Variants in MINDY4 observed in about 807,000 individuals in gnomAD.
MINDY4 encodes MINDY lysine 48 deubiquitinase 4.
MINDY4 carries 68 observed loss-of-function variants against 87.0 expected under a neutral mutation model. The ratio of observed to expected loss-of-function variants is 0.78; its 90% CI spans 0.64 to 0.96. The LOEUF is 0.96. Ranked by LOEUF, MINDY4 falls within the 40% of genes least tolerant of loss-of-function variation. MINDY4 has a pLI of 0.00. For missense variants in MINDY4, 919 were observed against 928.2 expected (o/e 0.99, Z 0.13); for synonymous variants, 379 against 363.2 (o/e 1.04, Z -0.50).
intron 5 of MINDY4, among the ~76,000 whole-genome samples, chr7:30,815,506 G>A (rs11979952): frequency 0.37 from 56,468 of 152,094 alleles, 13,504 homozygotes; most frequent in African/African-American, 0.67. Flanking sequence ...GGCTTGGTCA[G>A]GTCCAGTAGC....
chr7:30,815,432 C>T (rs1376925310), intron 5 of MINDY4, among the ~76,000 whole-genome samples: 1 of 152,234 alleles, frequency 6.6e-6, no homozygotes, highest in Non-Finnish European at 1.5e-5. Context: ...GTGGGCCAGG[C>T]ACCCCATCAC....
In MINDY4 at chr7:30,892,100, A is replaced by G. The variant is rs1584365770; in HGVS notation, c.*95A>G. On this transcript the variant is annotated 3_prime_UTR_variant, in exon 18 of 18. Transcript: ENST00000265299. ...CAAGCCTCTGGGGCAGGTCTCATGT[A>G]CCCCAACCTGGGTCAGCATGACTGC... The G allele has an allele frequency of 2.9e-6, 4 of 1,382,948 alleles. No homozygotes were observed. Among genetic ancestry groups the G allele is most frequent in the Non-Finnish European group, 1.0e-6 (1 of 972,188 alleles). 85.7% of individuals were successfully genotyped at this position (1,382,948 alleles called of 1,614,324 possible). A position where few individuals can be genotyped will look rare whatever the true frequency, so the allele number is the denominator to read the frequency against.
intron 10 of MINDY4, 127 bp downstream of exon 10, chr7:30,850,682 C>T: frequency 4.9e-6 from 4 of 823,784 alleles, no homozygotes; most frequent in Non-Finnish European, 7.9e-6. Context: ...CTGGGATGAG[C>T]CCTGCAAGCC....
intron 9 of MINDY4, among the ~76,000 whole-genome samples, chr7:30,846,372 G>A (rs1789218669): frequency 6.6e-6 from 1 of 152,214 alleles, no homozygotes; most frequent in Non-Finnish European, 1.5e-5. Context: ...GTAAAAGCAG[G>A]ATGTATTATT....
At chr7:30,825,700 A>C (rs1320365383) in intron 5 of MINDY4, among the ~76,000 whole-genome samples, 1 of 152,246 alleles carries the variant, frequency 6.6e-6, no homozygotes, top group African/African-American at 2.4e-5. Flanking sequence ...TTGAGCACCC[A>C]TTTATGGAGC....
rs145129382 is a variant in MINDY4, at chr7:30,874,346, G to A, written c.1810-1149G>A. Among the ~76,000 whole-genome samples, 113 of 152,324 alleles carry A rather than the reference G, an allele frequency of 7.4e-4. 1 individual carries two copies. The highest frequency in any genetic ancestry group is 2.1e-3 in the African/African-American group (88 of 41,572). Reference sequence around the variant, plus strand: ...GTTGGGGGAAGAGGGAAGTCACATGGGACAGAGAGAACCAGATGTGGGTGG... The same window carrying A: ...GTTGGGGGAAGAGGGAAGTCACATGAGACAGAGAGAACCAGATGTGGGTGG... On this transcript the variant is annotated intron_variant, in intron 14 of 17. Transcript: ENST00000265299.
chr7:30,853,401 T>C lies in MINDY4; in HGVS notation c.1619T>C (p.Leu540Pro). Residue 540 changes from leucine (L) to proline (P), a missense_variant, in exon 12 of 18, where the codon CTT becomes CCT. Physicochemically the swap from Leu to Pro is moderately conservative, Grantham distance 98. Coordinates refer to ENST00000265299, the MANE Select transcript of MINDY4 (RefSeq NM_032222.3). ...GTGTTTGTGTCTTCTCAGCTTACGC[T>C]TCACAGTTTGACCTGCTATGAGGAC... ...KADGVLETLT[L>P]HSLTCYEDLV... The C allele has an allele frequency of 6.2e-7, 1 of 1,613,590 alleles. No individual in the cohort carries two copies. Among genetic ancestry groups the C allele is most frequent in the Non-Finnish European group, 8.5e-7 (1 of 1,179,740 alleles).
intron 5 of MINDY4, among the ~76,000 whole-genome samples, chr7:30,800,261 C>T (rs1787607537): frequency 6.6e-6 from 1 of 152,170 alleles, no homozygotes; most frequent in Non-Finnish European, 1.5e-5. Flanking sequence ...ACCTTAGATG[C>T]ATTGGATGCC....
intron 4 of MINDY4, among the ~76,000 whole-genome samples, chr7:30,790,931 GC>G (rs1455116605): frequency 6.6e-6 from 1 of 152,230 alleles, no homozygotes; most frequent in Non-Finnish European, 1.5e-5. Context: ...CGAGAGAAAG[GC>G]CCAGGCCTGC....
At chr7:30,860,490 C>T (rs1433488165) in intron 13 of MINDY4, among the ~76,000 whole-genome samples, 1 of 152,202 alleles carries the variant, frequency 6.6e-6, no homozygotes, top group Non-Finnish European at 1.5e-5. Context: ...ACCTTCTCCC[C>T]AGGACTGGGT....
chr7:30,814,002 C>G (rs1028750581), intron 5 of MINDY4, among the ~76,000 whole-genome samples: 7 of 152,120 alleles, frequency 4.6e-5, no homozygotes, highest in African/African-American at 1.7e-4. Context: ...GAATCAGTCT[C>G]TGTGCCCAAG....
chr7:30,883,385 G>T (rs1790530509), intron 17 of MINDY4, among the ~76,000 whole-genome samples: 1 of 152,190 alleles, frequency 6.6e-6, no homozygotes, highest in South Asian at 2.1e-4. Context: ...GAAGCTGGGA[G>T]GCCTGGCCCA....
chr7:30,834,587 C>A (rs1788804105), intron 6 of MINDY4, among the ~76,000 whole-genome samples: 1 of 152,240 alleles, frequency 6.6e-6, no homozygotes, highest in Non-Finnish European at 1.5e-5. Flanking sequence ...CTTCTGGCTA[C>A]TTATGCAAAT....
intron 5 of MINDY4, among the ~76,000 whole-genome samples, chr7:30,805,131 G>A (rs969874475): frequency 6.6e-6 from 1 of 152,238 alleles, no homozygotes; most frequent in African/African-American, 2.4e-5. Context: ...CAGCAGGTCT[G>A]AGAAAGGTGA....
chr7:30,872,921 C>T (rs987118496), intron 14 of MINDY4, among the ~76,000 whole-genome samples: 3 of 152,232 alleles, frequency 2.0e-5, no homozygotes, highest in Non-Finnish European at 2.9e-5. Flanking sequence ...ATGCCTTTCT[C>T]CCCATGATGA....
chr7:30,841,269 C>T (rs75846817), intron 9 of MINDY4, among the ~76,000 whole-genome samples: 2 of 152,248 alleles, frequency 1.3e-5, no homozygotes, highest in Non-Finnish European at 2.9e-5. Context: ...CAGATCATCA[C>T]TTCCACTCCC....
At chr7:30,790,687 C>G (rs551572672) in intron 4 of MINDY4, among the ~76,000 whole-genome samples, 1 of 152,286 alleles carries the variant, frequency 6.6e-6, no homozygotes, top group African/African-American at 2.4e-5. Flanking sequence ...TAAAGTGATA[C>G]ACCCGCCTTG....
At chr7:30,793,935 C>A (rs1181877120) in intron 5 of MINDY4, among the ~76,000 whole-genome samples, 2 of 152,128 alleles carry the variant, frequency 1.3e-5, no homozygotes, top group Non-Finnish European at 2.9e-5. Flanking sequence ...ATCCTTCAAC[C>A]CAGCAATTAT....
chr7:30,840,342 C>A lies in MINDY4; in HGVS notation c.1357-418C>A, dbSNP rs187353402. ...CACAGGCTGTTGAAGGGGCTCACTG[C>A]CAGCCGAGATGGTCAGGAAAGGCTT... On this transcript the variant is annotated intron_variant, in intron 8 of 17. Transcript: ENST00000265299. Among the ~76,000 whole-genome samples the A allele has an allele frequency of 2.0e-5, 3 of 152,324 alleles. No homozygotes were observed. The East Asian group carries it at 5.8e-4, about 29-fold the overall frequency.
Sources: gnomAD v4.1 joint callset for allele counts (sites outside exome capture counted in the v4.1 genomes callset) on GRCh38, gnomAD v4.1.1 for gene constraint, MANE v1.5 for transcripts, NCBI Gene and HGNC (gene_info 2026-07-23, HGNC 2026-07-21) for gene names.